PPARG: variants seen among roughly 807,000 people sequenced by gnomAD.
PPARG encodes peroxisome proliferator activated receptor gamma.
Under a neutral mutation model 39.2 loss-of-function variants are expected in PPARG, and 17 were observed. The ratio of observed to expected loss-of-function variants is 0.43; its 90% CI spans 0.30 to 0.65. The LOEUF (loss-of-function observed/expected upper bound fraction) is 0.65. PPARG is among the 30% of genes least tolerant of loss of function. The pLI is 0.13. For synonymous variants in PPARG, 223 were observed against 215.7 expected (o/e 1.03, Z -0.30); for missense variants, 406 against 585.9 (o/e 0.69, Z 3.17).
At chr3:12,313,207 C>T (rs1411369871) in intron 2 of PPARG, among the ~76,000 whole-genome samples, 1 of 151,916 alleles carries the variant, frequency 6.6e-6, no homozygotes, top group African/African-American at 2.4e-5. Context: ...AAATGAAATC[C>T]ACAACATTGA....
chr3:12,380,718 A>T (rs1000368653), intron 3 of PPARG, among the ~76,000 whole-genome samples: 4 of 152,172 alleles, frequency 2.6e-5, no homozygotes, highest in African/African-American at 9.7e-5. Context: ...GAAATTTAGT[A>T]GCCCTGAGCC....
rs556997232 is a variant in PPARG, at chr3:12,365,080, C to T, written c.-8-14624C>T. Reference sequence around the variant, plus strand: ...GATCATCAGGTATTAGATTCTCATACGGAGTGTGCAACCTAGATCCCTTGC... The same window carrying T: ...GATCATCAGGTATTAGATTCTCATATGGAGTGTGCAACCTAGATCCCTTGC... On this transcript the variant is annotated intron_variant, in intron 2 of 7. Transcript: ENST00000651735. Among the ~76,000 whole-genome samples the T allele has an allele frequency of 5.9e-5, 9 of 152,202 alleles. No homozygotes were observed. In the South Asian group the frequency reaches 1.0e-3, roughly 18 times the overall value.
At chr3:12,379,584 T>A in intron 2 of PPARG, 120 bp from the exon 3 acceptor site, 1 of 878,926 alleles carries the variant, frequency 1.1e-6, no homozygotes, top group Non-Finnish European at 1.8e-6. Context: ...TTTCTGTTGT[T>A]GTGAGCGCCC....
intron 6 of PPARG, among the ~76,000 whole-genome samples, chr3:12,413,816 CAAAAAAA>C (rs10575755): frequency 4.9e-5 from 3 of 60,966 alleles, no homozygotes; most frequent in Non-Finnish European, 8.4e-5. Flanking sequence ...AACTCCATCT[CAAAAAAA>C]AAAAAAAAAA....
intron 2 of PPARG, among the ~76,000 whole-genome samples, chr3:12,372,474 G>A (rs1004580389): frequency 2.0e-5 from 3 of 152,076 alleles, no homozygotes; most frequent in Admixed American, 6.6e-5. Flanking sequence ...CTACTTCCTC[G>A]GGCTGGTTGT....
intron 2 of PPARG, among the ~76,000 whole-genome samples, chr3:12,366,778 C>G (rs551229239): frequency 6.6e-6 from 1 of 152,046 alleles, no homozygotes; most frequent in Non-Finnish European, 1.5e-5. Flanking sequence ...TCTTTTCATA[C>G]ATTATCGGAT....
chr3:12,375,004 C>T (rs551636529), intron 2 of PPARG, among the ~76,000 whole-genome samples: 1 of 152,286 alleles, frequency 6.6e-6, no homozygotes, highest in East Asian at 1.9e-4. Context: ...CTTTCCTTAA[C>T]ACATAGATGG....
At chr3:12,318,777 T>C (rs546389648) in intron 2 of PPARG, among the ~76,000 whole-genome samples, 3 of 152,276 alleles carry the variant, frequency 2.0e-5, no homozygotes, top group African/African-American at 7.2e-5. Flanking sequence ...TATACAGTGT[T>C]ACATAGTAAG....
intron 5 of PPARG, among the ~76,000 whole-genome samples, chr3:12,397,089 T>A (rs956541943): frequency 2.6e-5 from 4 of 152,198 alleles, no homozygotes; most frequent in Non-Finnish European, 2.9e-5. Flanking sequence ...GTTAAAAATA[T>A]GTTTTTCATA....
At chr3:12,343,038 C>T (rs1324135390) in intron 2 of PPARG, among the ~76,000 whole-genome samples, 1 of 152,184 alleles carries the variant, frequency 6.6e-6, no homozygotes. Context: ...TCCTATCCTA[C>T]ACACGTACAG....
chr3:12,309,165 T>C (rs950662140), intron 1 of PPARG, among the ~76,000 whole-genome samples: 5 of 152,350 alleles, frequency 3.3e-5, no homozygotes, highest in Admixed American at 3.3e-4. Flanking sequence ...TGGGAAATGC[T>C]GCTCTTGTAT....
At chr3:12,392,828 C>T (rs1013670945) in intron 5 of PPARG, 76 bp downstream of exon 5, 1 of 1,557,540 alleles carries the variant, frequency 6.4e-7, no homozygotes, top group African/African-American at 1.4e-5. Context: ...AAAGCCATTG[C>T]CAAAAATGTG....
intron 7 of PPARG, among the ~76,000 whole-genome samples, chr3:12,423,555 G>A (rs1246155119): frequency 2.0e-5 from 3 of 152,232 alleles, no homozygotes; most frequent in Admixed American, 1.3e-4. Flanking sequence ...AGGAAACTCC[G>A]GCTTATGGAG....
chr3:12,294,829 G>T (rs1163082331), intron 1 of PPARG, among the ~76,000 whole-genome samples: 1 of 152,144 alleles, frequency 6.6e-6, no homozygotes, highest in Non-Finnish European at 1.5e-5. Flanking sequence ...GGAGGCAGAG[G>T]TTGCAGTGAG....
At chr3:12,394,860 A>G (rs1559522580) in intron 5 of PPARG, among the ~76,000 whole-genome samples, 1 of 152,246 alleles carries the variant, frequency 6.6e-6, no homozygotes, top group Non-Finnish European at 1.5e-5. Flanking sequence ...GTTTTCATTC[A>G]TATAGAATGC....
At chr3:12,393,702 A>T (rs2050158799) in intron 5 of PPARG, among the ~76,000 whole-genome samples, 1 of 151,950 alleles carries the variant, frequency 6.6e-6, no homozygotes, top group East Asian at 1.9e-4. Flanking sequence ...TTTTGTTTTC[A>T]TCTCTCTCAA....
chr3:12,380,004 A>G, intron 3 of PPARG, 73 bp downstream of exon 3: 2 of 1,269,218 alleles, frequency 1.6e-6, no homozygotes, highest in Non-Finnish European at 2.3e-6. Context: ...CCCTGTAATA[A>G]ATAATGCTCC....
intron 2 of PPARG, among the ~76,000 whole-genome samples, chr3:12,342,632 A>G (rs375219088): frequency 1.4e-4 from 22 of 152,364 alleles, no homozygotes; most frequent in Admixed American, 5.2e-4. Flanking sequence ...CTGTATATAC[A>G]TATGATCATA....
chr3:12,389,619 A>T (rs2049997502), intron 4 of PPARG, among the ~76,000 whole-genome samples: 1 of 152,172 alleles, frequency 6.6e-6, no homozygotes, highest in Non-Finnish European at 1.5e-5. Context: ...AGCCAGGCGT[A>T]GTGGCACATG....
Sources: gnomAD v4.1 joint callset for allele counts (sites outside exome capture counted in the v4.1 genomes callset) on GRCh38, gnomAD v4.1.1 for gene constraint, MANE v1.5 for transcripts, NCBI Gene and HGNC (gene_info 2026-07-23, HGNC 2026-07-21) for gene names.